Variants in FLRT1 observed in about 807,000 individuals in gnomAD.
FLRT1 encodes leucine-rich repeat transmembrane protein FLRT1.
Under a neutral mutation model 30.9 loss-of-function variants are expected in FLRT1, and 14 were observed. The observed-to-expected ratio is 0.45, with a 90% CI of 0.30 to 0.71. FLRT1 has a LOEUF of 0.71. FLRT1 is among the 30% of genes least tolerant of loss of function. FLRT1 has a pLI of 0.08. For synonymous variants in FLRT1, 368 were observed against 430.4 expected, an observed-to-expected ratio of 0.85 and a Z score of 1.80; for missense variants, 737 against 949.2, an observed-to-expected ratio of 0.78 and a Z score of 2.94.
chr11:64,057,003 C>T (rs79749451), intron 1 of FLRT1, among the ~76,000 whole-genome samples: 6,599 of 152,286 alleles, frequency 0.043, 211 homozygotes, highest in South Asian at 0.12. Context: ...TCAGCTTCTG[C>T]GCCCGTGTCA....
intron 1 of FLRT1, among the ~76,000 whole-genome samples, chr11:64,101,284 T>C (rs1439259647): frequency 1.3e-5 from 2 of 151,974 alleles, no homozygotes; most frequent in Admixed American, 6.5e-5. Flanking sequence ...GAGACTACTG[T>C]AGGAGCACTG....
chr11:64,106,829 C>T (rs1944770428), intron 2 of FLRT1, among the ~76,000 whole-genome samples: 1 of 152,186 alleles, frequency 6.6e-6, no homozygotes, highest in Non-Finnish European at 1.5e-5. Context: ...AAAATAAAGA[C>T]CTTTAGCCCC....
chr11:64,078,347 C>T (rs538946300), intron 1 of FLRT1, among the ~76,000 whole-genome samples: 1 of 152,362 alleles, frequency 6.6e-6, no homozygotes, highest in South Asian at 2.1e-4. Context: ...CCTCCCAGTC[C>T]CTGGCCCGTC....
intron 1 of FLRT1, among the ~76,000 whole-genome samples, chr11:64,043,707 G>A (rs1052919645): frequency 6.6e-6 from 1 of 152,162 alleles, no homozygotes; most frequent in Non-Finnish European, 1.5e-5. Flanking sequence ...ACTCTACCTT[G>A]CAGAATCCCA....
intron 1 of FLRT1, among the ~76,000 whole-genome samples, chr11:64,041,903 C>A (rs1302687137): frequency 6.6e-6 from 1 of 152,204 alleles, no homozygotes; most frequent in Non-Finnish European, 1.5e-5. Context: ...AGTTAAAGCA[C>A]AGGAGTGAGA....
At chr11:64,070,195 A>G (rs1052783084) in intron 1 of FLRT1, among the ~76,000 whole-genome samples, 1 of 152,120 alleles carries the variant, frequency 6.6e-6, no homozygotes, top group Non-Finnish European at 1.5e-5. Flanking sequence ...GTTGGGCGAC[A>G]GAGATGTGAG....
At position 64,118,276 on chromosome 11, in the gene FLRT1, A is replaced by C. The variant is rs1466975187; in HGVS notation, c.2009A>C (p.Asp670Ala). ...CGGGACGGCGGCATCCCCGACATAG[A>C]CTACTCCTACACATGATGCCCGCCC... ...GYRDGGIPDIDYSYT is the reference protein window; with the variant it reads ...GYRDGGIPDIAYSYT The change falls in exon 3 of 3, where the codon GAC becomes GCC. Residue 670 changes from aspartate to alanine, a missense_variant. Physicochemically the swap from Asp to Ala is moderately radical, Grantham distance 126 (BLOSUM62 -2). Coordinates refer to ENST00000682287, the MANE Select transcript of FLRT1 (RefSeq NM_013280.5). The C allele has an allele frequency of 6.3e-6, 10 of 1,583,008 alleles. No homozygotes were observed. In the Admixed American group the frequency reaches 1.7e-4, roughly 27 times the overall value.
intron 1 of FLRT1, among the ~76,000 whole-genome samples, chr11:64,081,260 G>A (rs1044763397): frequency 1.3e-5 from 2 of 152,200 alleles, no homozygotes; most frequent in Non-Finnish European, 2.9e-5. Context: ...GACCTCAGGT[G>A]ATCTGCCCAC....
chr11:64,075,203 A>G (rs1944179551), intron 1 of FLRT1, among the ~76,000 whole-genome samples: 1 of 152,230 alleles, frequency 6.6e-6, no homozygotes, highest in Non-Finnish European at 1.5e-5. Flanking sequence ...AGCCTGGACC[A>G]TTCTGATCCA....
At chr11:64,039,731 C>T (rs1316607867) in intron 1 of FLRT1, among the ~76,000 whole-genome samples, 4 of 152,216 alleles carry the variant, frequency 2.6e-5, no homozygotes, top group Non-Finnish European at 5.9e-5. Flanking sequence ...TCGAGGCCCC[C>T]AGAGCACTGC....
At position 64,118,288 on chromosome 11, in the gene FLRT1, CATG is replaced by C; in HGVS notation, c.2025_*2del. On this transcript the variant is annotated stop_lost and inframe_deletion, in exon 3 of 3. Coordinates refer to ENST00000682287, the MANE Select transcript of FLRT1 (RefSeq NM_013280.5). ...ATCCCCGACATAGACTACTCCTACA[CATG>C]ATGCCCGCCCACCCGGGCTGCCCCG... 1.3e-6 allele frequency: 2 copies of C among 1,560,678 alleles called. No homozygotes were observed. Among genetic ancestry groups the C allele is most frequent in the Non-Finnish European group, 1.7e-6 (2 of 1,147,306 alleles).
At chr11:64,086,435 T>G (rs1257499123) in intron 1 of FLRT1, among the ~76,000 whole-genome samples, 2 of 151,542 alleles carry the variant, frequency 1.3e-5, no homozygotes, top group Admixed American at 6.6e-5. Context: ...CTTTCTACTC[T>G]CCAGTCCAAA....
intron 1 of FLRT1, among the ~76,000 whole-genome samples, chr11:64,061,438 C>T (rs1445690201): frequency 6.6e-6 from 1 of 152,228 alleles, no homozygotes; most frequent in Admixed American, 6.5e-5. Flanking sequence ...GGGGTGCCTC[C>T]TGCGCCCAAC....
At chr11:64,063,924 G>A (rs948187849) in intron 1 of FLRT1, among the ~76,000 whole-genome samples, 6 of 152,302 alleles carry the variant, frequency 3.9e-5, no homozygotes, top group East Asian at 3.9e-4. Context: ...AGTGAGCTGC[G>A]GAGAGGTTTG....
At chr11:64,065,625 T>C (rs1590860451) in intron 1 of FLRT1, among the ~76,000 whole-genome samples, 1 of 82,332 alleles carries the variant, frequency 1.2e-5, no homozygotes, top group African/African-American at 3.2e-5. Context: ...CAGTCTCTAC[T>C]AAAAAATACA....
intron 1 of FLRT1, among the ~76,000 whole-genome samples, chr11:64,085,555 C>T (rs535300309): frequency 1.6e-4 from 25 of 152,292 alleles, no homozygotes; most frequent in South Asian, 4.1e-4. Flanking sequence ...CCACTAAGTA[C>T]GTCCCCTGCC....
chr11:64,066,247 A>T (rs1281104716), intron 1 of FLRT1, among the ~76,000 whole-genome samples: 2 of 147,990 alleles, frequency 1.4e-5, no homozygotes, highest in Non-Finnish European at 3.0e-5. Context: ...CAGTGAGCCA[A>T]GATTGTACCA....
In FLRT1 at chr11:64,094,787, C is replaced by T. The variant is rs959845839; in HGVS notation, c.-1037-8407C>T. Among the ~76,000 whole-genome samples the T allele has an allele frequency of 3.9e-5, 6 of 152,370 alleles. No homozygotes were observed. In the East Asian group the frequency reaches 7.7e-4, roughly 20 times the overall value. On this transcript the variant is annotated intron_variant, in intron 1 of 2. Transcript: ENST00000682287. ...AAAGTCACCCCTGACCCCACGACCA[C>T]GGCATCCTTGGCTGTGCCTGGGGTT... is the stretch of plus-strand genomic sequence containing the variant.
chr11:64,107,183 C>T (rs1322498671), intron 2 of FLRT1, among the ~76,000 whole-genome samples: 1 of 152,224 alleles, frequency 6.6e-6, no homozygotes, highest in East Asian at 1.9e-4. Flanking sequence ...GCCCAGCCCA[C>T]TGGGCTTTCT....
Sources: gnomAD v4.1 joint callset for allele counts (sites outside exome capture counted in the v4.1 genomes callset) on GRCh38, gnomAD v4.1.1 for gene constraint, MANE v1.5 for transcripts, NCBI Gene and HGNC (gene_info 2026-07-23, HGNC 2026-07-21) for gene names.